Variants in HYCC1 observed in about 807,000 individuals in gnomAD.
HYCC1 encodes hyccin PI4KA lipid kinase complex subunit 1.
the HYCC1 span, among the ~76,000 whole-genome samples, chr7:22,925,163 A>C: frequency 6.6e-6 from 1 of 152,222 alleles, no homozygotes; most frequent in Non-Finnish European, 1.5e-5. Flanking sequence ...AAGGACATCC[A>C]CACCAAAAAC....
At chr7:22,967,720 T>C in the HYCC1 span, among the ~76,000 whole-genome samples, 1 of 151,890 alleles carries the variant, frequency 6.6e-6, no homozygotes, top group Admixed American at 6.6e-5. Context: ...GGAGGAAGGG[T>C]AGGTTTGGAG....
chr7:22,938,527 A>C, the HYCC1 span: 59,796 of 151,994 alleles, frequency 0.39, 11,731 homozygotes, highest in East Asian at 0.51. Flanking sequence ...GATATTTGGG[A>C]AGTTCAACAA....
At chr7:22,966,938 C>A in the HYCC1 span, among the ~76,000 whole-genome samples, 1 of 152,084 alleles carries the variant, frequency 6.6e-6, no homozygotes, top group Admixed American at 6.6e-5. Flanking sequence ...AATGTATGCC[C>A]AAACTAGAAT....
the HYCC1 span, among the ~76,000 whole-genome samples, chr7:22,989,145 G>C: frequency 6.6e-6 from 1 of 151,892 alleles, no homozygotes; most frequent in Non-Finnish European, 1.5e-5. Flanking sequence ...ATTTGCTTTT[G>C]CATATTTTAC....
chr7:22,995,258 C>A, the HYCC1 span, among the ~76,000 whole-genome samples: 1 of 152,106 alleles, frequency 6.6e-6, no homozygotes, highest in African/African-American at 2.4e-5. Flanking sequence ...CACCCCACGC[C>A]CTTGCCCTGC....
chr7:22,905,386 A>ATTTTTTTT, the HYCC1 span, among the ~76,000 whole-genome samples: 25 of 44,472 alleles, frequency 5.6e-4, no homozygotes, highest in East Asian at 8.3e-4. Context: ...CTAATTTTGT[A>ATTTTTTTT]TTTTTTTTTT....
At chr7:22,945,270 A>T in the HYCC1 span, 1 of 396,846 alleles carries the variant, frequency 2.5e-6, no homozygotes, top group East Asian at 5.5e-5. Flanking sequence ...ACAACCTCAC[A>T]TGAGACATAA....
the HYCC1 span, among the ~76,000 whole-genome samples, chr7:22,910,259 G>A: frequency 2.2e-4 from 34 of 152,252 alleles, no homozygotes; most frequent in African/African-American, 8.2e-4. Flanking sequence ...CCTTCCCATC[G>A]TAATGAGTGA....
chr7:22,954,244 A>C, the HYCC1 span, among the ~76,000 whole-genome samples: 1 of 151,002 alleles, frequency 6.6e-6, no homozygotes, highest in South Asian at 2.1e-4. Flanking sequence ...ATTATTATTT[A>C]TAATATTTAC....
the HYCC1 span, among the ~76,000 whole-genome samples, chr7:22,928,470 T>C: frequency 6.6e-6 from 1 of 152,204 alleles, no homozygotes; most frequent in African/African-American, 2.4e-5. Flanking sequence ...CTTAAGCTGA[T>C]AAGCAACTTC....
chr7:22,905,386 ATTTTTTTTTTTT>A, the HYCC1 span, among the ~76,000 whole-genome samples: 42 of 44,466 alleles, frequency 9.4e-4, no homozygotes, highest in Non-Finnish European at 1.2e-3. Flanking sequence ...CTAATTTTGT[ATTTTTTTTTTTT>A]TTTTTTTTTT....
At chr7:22,907,813 G>C in the HYCC1 span, among the ~76,000 whole-genome samples, 2 of 152,228 alleles carry the variant, frequency 1.3e-5, no homozygotes. Flanking sequence ...CCAGGAGGCT[G>C]AGGCAGGAGA....
the HYCC1 span, among the ~76,000 whole-genome samples, chr7:22,922,399 C>G: frequency 6.6e-6 from 1 of 152,224 alleles, no homozygotes; most frequent in African/African-American, 2.4e-5. Flanking sequence ...TACATCCAGC[C>G]TACTATATCA....
the HYCC1 span, among the ~76,000 whole-genome samples, chr7:22,974,865 T>C: frequency 2.0e-5 from 3 of 152,216 alleles, no homozygotes; most frequent in Non-Finnish European, 4.4e-5. Flanking sequence ...CAATAGTGAA[T>C]AAGTCTCATG....
chr7:22,955,901 G>A, the HYCC1 span, among the ~76,000 whole-genome samples: 7 of 151,650 alleles, frequency 4.6e-5, no homozygotes, highest in African/African-American at 1.7e-4. Flanking sequence ...TAATTATAAA[G>A]AAATAACTTT....
chr7:22,899,414 C>T, the HYCC1 span, among the ~76,000 whole-genome samples: 2 of 152,078 alleles, frequency 1.3e-5, no homozygotes, highest in African/African-American at 4.8e-5. Flanking sequence ...TTAAGGATAT[C>T]CAATAAGTTA....
the HYCC1 span, chr7:22,978,103 C>T: frequency 1.5e-6 from 1 of 659,844 alleles, no homozygotes. Flanking sequence ...TACATGTACG[C>T]TTGTATGTCT....
chr7:22,898,590 TTTTC>T, the HYCC1 span, among the ~76,000 whole-genome samples: 9 of 57,536 alleles, frequency 1.6e-4, no homozygotes, highest in Non-Finnish European at 3.4e-4. Context: ...TTTTCTTTTC[TTTTC>T]TTTTCTTTTC....
the HYCC1 span, among the ~76,000 whole-genome samples, chr7:22,931,694 G>GT: frequency 0.25 from 37,823 of 152,044 alleles, 4,866 homozygotes; most frequent in East Asian, 0.48. Context: ...TAGACTGATG[G>GT]TAAAAATGTG....
Sources: allele counts gnomAD v4.1 joint callset (sites outside exome capture counted in the v4.1 genomes callset), GRCh38; gene constraint gnomAD v4.1.1; transcripts MANE v1.5; gene names NCBI Gene and HGNC (gene_info 2026-07-23, HGNC 2026-07-21).